Variants in CLVS1 observed in about 807,000 individuals in gnomAD.
CLVS1 encodes clavesin 1, also known as clavesin-1.
A neutral mutation model predicts 33.1 loss-of-function variants in CLVS1; 10 were observed. That is an observed-to-expected ratio of 0.30 (90% CI 0.19 to 0.51). The LOEUF is 0.51. CLVS1 is among the 20% of genes least tolerant of loss of function. CLVS1 has a pLI of 0.97. For missense variants in CLVS1, 343 were observed against 433.4 expected (o/e 0.79, Z 1.85); for synonymous variants, 163 against 166.1 (o/e 0.98, Z 0.14).
chr8:61,377,053 C>T (rs1585883762), intron 3 of CLVS1: 1 of 321,316 alleles, frequency 3.1e-6, no homozygotes, highest in East Asian at 5.6e-5. Context: ...CGGCTTAATC[C>T]ATCAGAGAGT....
intron 1 of CLVS1, among the ~76,000 whole-genome samples, chr8:61,075,464 G>C (rs1413124606): frequency 6.6e-6 from 1 of 152,100 alleles, no homozygotes; most frequent in African/African-American, 2.4e-5. Flanking sequence ...GTGCTAAGAG[G>C]GCTGTTACAT....
At chr8:61,279,280 G>T (rs2129593104) in intron 2 of CLVS1, among the ~76,000 whole-genome samples, 1 of 152,298 alleles carries the variant, frequency 6.6e-6, no homozygotes, top group East Asian at 1.9e-4. Flanking sequence ...GTGAGGCGAA[G>T]GCCATTCTTG....
chr8:61,086,681 C>G (rs1805133149), intron 1 of CLVS1, among the ~76,000 whole-genome samples: 1 of 151,984 alleles, frequency 6.6e-6, no homozygotes, highest in South Asian at 2.1e-4. Flanking sequence ...CAATCACCTT[C>G]TATGAATTCC....
the CLVS1 span, among the ~76,000 whole-genome samples, chr8:60,995,191 T>C: frequency 2.0e-5 from 3 of 152,166 alleles, no homozygotes; most frequent in African/African-American, 4.8e-5. Context: ...AGCTTCTGCA[T>C]AGCAAAAGAA....
At chr8:61,192,079 AG>A (rs1381620998) in intron 2 of CLVS1, among the ~76,000 whole-genome samples, 2 of 152,192 alleles carry the variant, frequency 1.3e-5, no homozygotes, top group Non-Finnish European at 2.9e-5. Flanking sequence ...GACAATCCTA[AG>A]CCAAAAGAAC....
chr8:61,240,975 C>G (rs1296539525), intron 2 of CLVS1, among the ~76,000 whole-genome samples: 1 of 146,454 alleles, frequency 6.8e-6, no homozygotes. Flanking sequence ...CTGGGTGGCT[C>G]ATAAACAGAA....
the CLVS1 span, among the ~76,000 whole-genome samples, chr8:61,045,542 C>G: frequency 1.3e-5 from 2 of 152,204 alleles, no homozygotes; most frequent in Non-Finnish European, 2.9e-5. Flanking sequence ...GTTGAATCAC[C>G]TTCTTGAGTA....
chr8:61,286,247 G>A (rs1435374885), upstream of CLVS1, among the ~76,000 whole-genome samples: 1 of 152,104 alleles, frequency 6.6e-6, no homozygotes, highest in Non-Finnish European at 1.5e-5. Context: ...GCCAGAGTAA[G>A]CTCATGGCCC....
the CLVS1 span, among the ~76,000 whole-genome samples, chr8:60,967,047 A>G: frequency 6.6e-6 from 1 of 152,214 alleles, no homozygotes; most frequent in South Asian, 2.1e-4. Flanking sequence ...TCTCTTTCTC[A>G]TCTATCTACA....
intron 1 of CLVS1, among the ~76,000 whole-genome samples, chr8:61,129,645 G>A (rs946563139): frequency 6.6e-6 from 1 of 152,104 alleles, no homozygotes; most frequent in African/African-American, 2.4e-5. Flanking sequence ...TTCATAGATG[G>A]TGTCTTCTTG....
intron 2 of CLVS1, among the ~76,000 whole-genome samples, chr8:61,228,824 G>C (rs561158054): frequency 3.3e-5 from 5 of 152,026 alleles, no homozygotes; most frequent in Non-Finnish European, 7.4e-5. Context: ...CCTTCTCTTG[G>C]CTATTGTGAA....
intron 2 of CLVS1, among the ~76,000 whole-genome samples, chr8:61,205,120 T>A (rs893975278): frequency 1.3e-5 from 2 of 152,222 alleles, no homozygotes; most frequent in African/African-American, 2.4e-5. Flanking sequence ...TTTAAAAAAA[T>A]ATTTAAAAAT....
At chr8:61,348,103 A>G (rs1812302703) in intron 2 of CLVS1, among the ~76,000 whole-genome samples, 1 of 151,836 alleles carries the variant, frequency 6.6e-6, no homozygotes, top group Non-Finnish European at 1.5e-5. Context: ...TTTAACCAAC[A>G]TCTCCCCAAA....
At chr8:61,347,971 T>C (rs895308309) in intron 2 of CLVS1, among the ~76,000 whole-genome samples, 3 of 151,652 alleles carry the variant, frequency 2.0e-5, no homozygotes, top group Non-Finnish European at 4.4e-5. Context: ...TTTTTGTGAT[T>C]AGAACACAAA....
the CLVS1 span, among the ~76,000 whole-genome samples, chr8:61,001,923 G>A: frequency 4.6e-5 from 7 of 151,974 alleles, no homozygotes; most frequent in African/African-American, 1.5e-4. Context: ...TCAATCTGTC[G>A]ACTGTAATTT....
At chr8:61,150,049 G>A (rs1046121905) in intron 2 of CLVS1, among the ~76,000 whole-genome samples, 2 of 150,592 alleles carry the variant, frequency 1.3e-5, no homozygotes, top group Non-Finnish European at 3.0e-5. Flanking sequence ...CTTCTGAGTA[G>A]CTTTGGGAAA....
chr8:61,456,675 G>C (rs1817170530), intron 4 of CLVS1, among the ~76,000 whole-genome samples: 1 of 151,966 alleles, frequency 6.6e-6, no homozygotes, highest in Non-Finnish European at 1.5e-5. Context: ...CCAGCACTTT[G>C]GGAGGCCGAG....
chr8:61,435,459 G>A (rs762209866), intron 3 of CLVS1, among the ~76,000 whole-genome samples: 2 of 151,856 alleles, frequency 1.3e-5, no homozygotes, highest in African/African-American at 2.4e-5. Context: ...TTCATTCTTC[G>A]GCACAATTCA....
chr8:61,247,910 A>G (rs2978500), intron 2 of CLVS1, among the ~76,000 whole-genome samples: 95,669 of 152,014 alleles, frequency 0.63, 33,200 homozygotes, highest in East Asian at 0.97. Flanking sequence ...GGTTTTTAAC[A>G]TTTTGGGTTT....
Sources: gnomAD v4.1 joint callset for allele counts (sites outside exome capture counted in the v4.1 genomes callset) on GRCh38, gnomAD v4.1.1 for gene constraint, MANE v1.5 for transcripts, NCBI Gene and HGNC (gene_info 2026-07-23, HGNC 2026-07-21) for gene names.